CAMK4: variants seen among roughly 807,000 people sequenced by gnomAD.
CAMK4 encodes the protein calcium/calmodulin-dependent protein kinase type IV.
CAMK4 carries 22 observed loss-of-function variants against 44.9 expected under a neutral mutation model. The ratio of observed to expected loss-of-function variants is 0.49; its 90% CI spans 0.35 to 0.70. The LOEUF is 0.70. Among genes scored for constraint, CAMK4 ranks in the 30% least tolerant of loss-of-function variants. CAMK4 has a pLI of 0.01. For missense variants in CAMK4, 498 were observed against 586.8 expected (o/e 0.85, Z 1.56); for synonymous variants, 218 against 215.4 (o/e 1.01, Z -0.11).
At chr5:111,271,534 A>G (rs1214866804) in intron 1 of CAMK4, among the ~76,000 whole-genome samples, 3 of 152,330 alleles carry the variant, frequency 2.0e-5, no homozygotes, top group South Asian at 2.1e-4. Flanking sequence ...AATAGCTGCA[A>G]TTGGATTGGC....
intron 5 of CAMK4, among the ~76,000 whole-genome samples, chr5:111,407,880 C>T (rs766304338): frequency 6.6e-6 from 1 of 152,114 alleles, no homozygotes. Flanking sequence ...AATCTCAGCA[C>T]CTTGGGAGGC....
Position 111,388,952 on chromosome 5 carries a change from A to G in CAMK4, c.387-5758A>G, listed in dbSNP as rs12186670. ...AGCTCCCAAGAAAATTCACTCTTCC[A>G]TCAAGCCAGGCCCTAGACATTCCCA... On this transcript the variant is annotated intron_variant, in intron 4 of 10. Coordinates refer to ENST00000282356, the MANE Select transcript of CAMK4 (RefSeq NM_001744.6). 5.8e-3 allele frequency among the ~76,000 whole-genome samples: 889 copies of G among 152,266 alleles called. 10 individuals are homozygous for G. Among genetic ancestry groups the G allele is most frequent in the Middle Eastern group, 0.01 (3 of 294 alleles).
In CAMK4 at chr5:111,345,609, G is replaced by C. The variant is rs185507604; in HGVS notation, c.240+1507G>C. Among the ~76,000 whole-genome samples, 172 of 152,074 alleles carry C rather than the reference G, an allele frequency of 1.1e-3. 1 individual carries two copies. The highest frequency in any genetic ancestry group is 6.8e-3 in the Middle Eastern group (2 of 294). On this transcript the variant is annotated intron_variant, in intron 2 of 10. Coordinates refer to ENST00000282356, the MANE Select transcript of CAMK4 (RefSeq NM_001744.6). ...GAAGGGCTATTTGTTTTTCATAGTT[G>C]AGGAAACTTTGAGAGGGAAGAGACA...
chr5:111,312,452 A>T (rs1468679514), intron 1 of CAMK4, among the ~76,000 whole-genome samples: 1 of 152,188 alleles, frequency 6.6e-6, no homozygotes, highest in East Asian at 1.9e-4. Context: ...TGAGGAGTAT[A>T]ACACAATGCC....
intron 7 of CAMK4, among the ~76,000 whole-genome samples, chr5:111,450,930 C>G (rs913252382): frequency 4.1e-4 from 63 of 152,148 alleles, no homozygotes; most frequent in African/African-American, 1.5e-3. Flanking sequence ...TTCTATAGCG[C>G]TTATATTTGA....
chr5:111,464,055 C>T (rs192679557), intron 7 of CAMK4, among the ~76,000 whole-genome samples: 395 of 151,256 alleles, frequency 2.6e-3, no homozygotes, highest in African/African-American at 9.0e-3. Context: ...CAAGGAGACA[C>T]CAGAGAAAGG....
chr5:111,245,687 G>A (rs1749202993), intron 1 of CAMK4, among the ~76,000 whole-genome samples: 2 of 152,228 alleles, frequency 1.3e-5, no homozygotes, highest in Admixed American at 1.3e-4. Context: ...TTAACTGTGT[G>A]TAAATTTGTT....
intron 5 of CAMK4, among the ~76,000 whole-genome samples, chr5:111,397,693 T>TGTG (rs1580699606): frequency 0.095 from 10,413 of 109,192 alleles, 481 homozygotes; most frequent in Admixed American, 0.11. Flanking sequence ...GTGTGTGTGT[T>TGTG]TGCAGTTTAC....
At chr5:111,274,477 AGTTT>A (rs1329902712) in intron 1 of CAMK4, among the ~76,000 whole-genome samples, 3 of 152,298 alleles carry the variant, frequency 2.0e-5, no homozygotes, top group Non-Finnish European at 4.4e-5. Flanking sequence ...ATGAAACTTT[AGTTT>A]GTTAAACCAT....
chr5:111,442,610 A>G (rs1469081081), intron 5 of CAMK4, among the ~76,000 whole-genome samples: 2 of 150,046 alleles, frequency 1.3e-5, no homozygotes, highest in African/African-American at 4.9e-5. Flanking sequence ...TATACCAGAC[A>G]ATGCAGAAGC....
At chr5:111,385,378 G>C (rs910513745) in intron 4 of CAMK4, among the ~76,000 whole-genome samples, 8 of 152,052 alleles carry the variant, frequency 5.3e-5, no homozygotes, top group Non-Finnish European at 1.2e-4. Context: ...GAAATTAGCA[G>C]GCAGAGGCCA....
intron 1 of CAMK4, among the ~76,000 whole-genome samples, chr5:111,303,353 T>C (rs1391430956): frequency 1.1e-5 from 1 of 88,398 alleles, no homozygotes; most frequent in African/African-American, 5.2e-5. Flanking sequence ...TTGAAAAAAA[T>C]TTAGAAGAAT....
At chr5:111,297,485 G>C (rs764475150) in intron 1 of CAMK4, among the ~76,000 whole-genome samples, 3 of 152,174 alleles carry the variant, frequency 2.0e-5, no homozygotes, top group Non-Finnish European at 2.9e-5. Context: ...ATTAGAGCTT[G>C]AGGCAAAAGA....
chr5:111,234,073 T>C (rs2112502329), intron 1 of CAMK4, among the ~76,000 whole-genome samples: 1 of 152,318 alleles, frequency 6.6e-6, no homozygotes, highest in East Asian at 1.9e-4. Flanking sequence ...GGTACGTTAG[T>C]GTACACAGTT....
intron 1 of CAMK4, among the ~76,000 whole-genome samples, chr5:111,337,790 G>A (rs749083711): frequency 6.6e-6 from 1 of 151,114 alleles, no homozygotes; most frequent in African/African-American, 2.4e-5. Flanking sequence ...GGCCAAATTA[G>A]TACTAAAGTT....
In CAMK4 at chr5:111,376,892, AG is replaced by A; in HGVS notation, c.337del (p.Glu113LysfsTer6). The A allele has an allele frequency of 6.2e-7, 1 of 1,606,730 alleles. No homozygotes were observed. Among genetic ancestry groups the A allele is most frequent in the Non-Finnish European group, 8.5e-7 (1 of 1,174,806 alleles). ...TTAAAGAGATATTTGAAACCCCTACAGAAATCAGTCTGGTCCTAGAACTCGT... is the reference window on the plus strand; with the variant it reads ...TTAAAGAGATATTTGAAACCCCTACAAAATCAGTCTGGTCCTAGAACTCGT... ...KLKEIFETPT[E>X]ISLVLELVTG... On this transcript the variant is annotated frameshift_variant, in exon 4 of 11. Transcript: ENST00000282356. LOFTEE classifies it high-confidence loss of function.
At position 111,349,642 on chromosome 5, in the gene CAMK4, T is replaced by G. The variant is rs1344579260; in HGVS notation, c.240+5540T>G. 2.0e-5 allele frequency among the ~76,000 whole-genome samples: 3 copies of G among 151,972 alleles called. No homozygotes were observed. In the East Asian group the frequency reaches 5.8e-4, roughly 29 times the overall value. On this transcript the variant is annotated intron_variant, in intron 2 of 10. Transcript: ENST00000282356. ...GCCAGCTTTTGAAGAATGACATCAT[T>G]ATGATGATGGAGTCTCTATTTCAGG...
chr5:111,231,346 G>T (rs1748466110), intron 1 of CAMK4, among the ~76,000 whole-genome samples: 1 of 152,170 alleles, frequency 6.6e-6, no homozygotes, highest in South Asian at 2.1e-4. Flanking sequence ...TCTGGCCCAG[G>T]AAATTCCTTG....
At chr5:111,380,267 A>G (rs976885041) in intron 4 of CAMK4, among the ~76,000 whole-genome samples, 1 of 151,760 alleles carries the variant, frequency 6.6e-6, no homozygotes, top group African/African-American at 2.4e-5. Context: ...ATCTAAGTAT[A>G]GTTTTGAATT....
Sources: gnomAD v4.1 joint callset for allele counts (sites outside exome capture counted in the v4.1 genomes callset) on GRCh38, gnomAD v4.1.1 for gene constraint, MANE v1.5 for transcripts, NCBI Gene and HGNC (gene_info 2026-07-23, HGNC 2026-07-21) for gene names.